The following ARHGDIG variants were observed in gnomAD, a reference collection of about 807,000 sequenced individuals.
The protein encoded by ARHGDIG is Rho GDP dissociation inhibitor gamma, also known as rho GDP-dissociation inhibitor 3.
A neutral mutation model predicts 20.2 loss-of-function variants in ARHGDIG; 14 were observed. That is an observed-to-expected ratio of 0.69 (90% CI 0.46 to 1.08). The LOEUF is 1.08. Ranked by LOEUF, ARHGDIG falls within the 50% of genes least tolerant of loss-of-function variation. The pLI is 0.00. For synonymous variants in ARHGDIG, 193 were observed against 138.6 expected (o/e 1.39, Z -2.76); for missense variants, 311 against 301.8 (o/e 1.03, Z -0.23).
chr16:280,817 T>TC lies in ARHGDIG; in HGVS notation c.73+69dup. 5.3e-6 allele frequency: 6 copies of TC among 1,130,096 alleles called. No individual in the cohort carries two copies. Among genetic ancestry groups the TC allele is most frequent in the African/African-American group, 3.3e-5 (2 of 60,028 alleles). 70.0% of individuals were successfully genotyped at this position (1,130,096 alleles called of 1,614,324 possible). A position where few individuals can be genotyped will look rare whatever the true frequency, so the allele number is the denominator to read the frequency against. ...TCAGCCCCGGGCGGGGAGTAGCCCCTCCCCCGCGGCAACTTTGGGGGCGCG... is the reference window on the plus strand; with the variant it reads ...TCAGCCCCGGGCGGGGAGTAGCCCCTCCCCCCGCGGCAACTTTGGGGGCGCG... On this transcript the variant is annotated intron_variant, in intron 1 of 5. Coordinates refer to ENST00000219409, the MANE Select transcript of ARHGDIG (RefSeq NM_001176.4). This position sits in a 1 kb window ranked among gnomAD's most constrained non-coding sequence, Gnocchi z 6.6.
chr16:282,558 C>CGGGGGGGGGGGGACGGGGG (rs61572786), intron 5 of ARHGDIG, 28 bp downstream of exon 5: 5 of 1,313,264 alleles, frequency 3.8e-6, no homozygotes, highest in Middle Eastern at 2.7e-4. Flanking sequence ...GGGAACGGGG[C>CGGGGGGGGGGGGACGGGGG]GGGGGGGGGA....
chr16:280,929 AC>A lies in ARHGDIG; in HGVS notation c.73+178del. 1 of 291,246 alleles carries A rather than the reference AC, an allele frequency of 3.4e-6. No individual in the cohort carries two copies. Among genetic ancestry groups the A allele is most frequent in the Non-Finnish European group, 6.2e-6 (1 of 160,020 alleles). The allele number at this position is 291,246 out of a possible 1,614,324, so 18.0% of individuals were successfully genotyped here. A position where few individuals can be genotyped will look rare whatever the true frequency, so the allele number is the denominator to read the frequency against. On this transcript the variant is annotated intron_variant, in intron 1 of 5. Transcript: ENST00000219409. This position sits in a 1 kb window ranked among gnomAD's most constrained non-coding sequence, Gnocchi z 6.6. The stretch of plus-strand genomic sequence containing the variant: ...CAGGCTCCAGCCCTGTGGGGAAGGG[AC>A]CAGGTGCGGACGGGTCGGCTTGGGA...
intron 1 of ARHGDIG, 190 bp from the exon 2 acceptor site, chr16:281,556 G>T (rs1424149020): frequency 1.6e-6 from 1 of 618,820 alleles, no homozygotes; most frequent in Non-Finnish European, 2.7e-6. Context: ...CCTCCTGAAG[G>T]TCTGGGTGCG....
In ARHGDIG at chr16:282,855, A is replaced by C. The variant is rs2052302538; in HGVS notation, c.*41A>C. ...CTCCCCTACCTCCCTCAGTTGTTGC[A>C]CAGGGACCCCCAAGCATCCCCAGCA... On this transcript the variant is annotated 3_prime_UTR_variant, in exon 6 of 6. Coordinates refer to ENST00000219409, the MANE Select transcript of ARHGDIG (RefSeq NM_001176.4). 6.5e-7 allele frequency: 1 copy of C among 1,530,084 alleles called. No individual in the cohort carries two copies. The highest frequency in any genetic ancestry group is 8.8e-7 in the Non-Finnish European group (1 of 1,142,350). The allele number at this position is 1,530,084 out of a possible 1,614,324, so 94.8% of individuals were successfully genotyped here. A position where few individuals can be genotyped will look rare whatever the true frequency, so the allele number is the denominator to read the frequency against.
rs2052273096 is a variant in ARHGDIG, at chr16:280,636, C to CGG, written c.-44_-43dup. ...CCGAGCGGGGCGGCGGCGGGGCGGG[C>CGG]GGCGGCTCCTCGGCGGCTCCGCGGC... On this transcript the variant is annotated 5_prime_UTR_variant, in exon 1 of 6. Transcript: ENST00000219409. This position sits in a 1 kb window ranked among gnomAD's most constrained non-coding sequence, Gnocchi z 6.6. 1.2e-6 allele frequency: 1 copy of CGG among 868,106 alleles called. No individual in the cohort carries two copies. Among genetic ancestry groups the CGG allele is most frequent in the African/African-American group, 2.2e-5 (1 of 45,928 alleles). 53.8% of individuals were successfully genotyped at this position (868,106 alleles called of 1,614,324 possible). A position where few individuals can be genotyped will look rare whatever the true frequency, so the allele number is the denominator to read the frequency against.
In ARHGDIG at chr16:282,713, C is replaced by A; in HGVS notation, c.577C>A (p.Arg193=). The change falls in exon 6 of 6, where the codon CGG becomes AGG. Residue 193 remains arginine (R), a synonymous_variant. Coordinates refer to ENST00000219409, the MANE Select transcript of ARHGDIG (RefSeq NM_001176.4). ...VEEAPRGALV[R]GPYLVVSLFT... is the part of the protein sequence containing the mutation. ...GGAAGCGCCGAGGGGTGCGCTGGTG[C>A]GGGGCCCCTATCTGGTGGTGTCCCT... is the stretch of plus-strand genomic sequence containing the variant. The A allele has an allele frequency of 1.2e-6, 2 of 1,603,384 alleles. No individual in the cohort carries two copies. The highest frequency in any genetic ancestry group is 1.1e-5 in the South Asian group (1 of 89,346).
chr16:281,292 C>G (rs973894146), intron 1 of ARHGDIG: 1 of 156,204 alleles, frequency 6.4e-6, no homozygotes, highest in Admixed American at 6.0e-5. Context: ...GTGGAGGGCC[C>G]TAGAGGGTCA....
At chr16:281,701 C>A in intron 1 of ARHGDIG, 45 bp from the exon 2 acceptor site, 1 of 1,512,180 alleles carries the variant, frequency 6.6e-7, no homozygotes, top group South Asian at 1.2e-5. Flanking sequence ...GCTCGAATGC[C>A]AGGGTCCGCT....
chr16:282,558 C>CGGGGGGGGGGGGGGAAGGGGG, intron 5 of ARHGDIG, 28 bp downstream of exon 5: 2 of 1,310,078 alleles, frequency 1.5e-6, no homozygotes, highest in Non-Finnish European at 1.0e-6. Flanking sequence ...GGGAACGGGG[C>CGGGGGGGGGGGGGGAAGGGGG]GGGGGGGGGA....
rs751866015 is a variant in ARHGDIG, at chr16:281,938, T to C, written c.253+13T>C. ...CCACCGGCCGTGGGTATGGCAGGGG[T>C]CTAGGCTTGGAGGGCTGGGTCTGGG... On this transcript the variant is annotated intron_variant, in intron 2 of 5. Transcript: ENST00000219409. 6.3e-7 allele frequency: 1 copy of C among 1,597,094 alleles called. No individual in the cohort carries two copies. Among genetic ancestry groups the C allele is most frequent in the Admixed American group, 1.7e-5 (1 of 59,530 alleles).
chr16:281,776 C>T lies in ARHGDIG; in HGVS notation c.104C>T (p.Pro35Leu), dbSNP rs556875250. Residue 35 changes from proline to leucine, a missense_variant, in exon 2 of 6, where the codon CCG becomes CTG. By Grantham distance (98) the Pro-to-Leu change is moderately conservative. Transcript: ENST00000219409. Reference protein sequence around the residue: ...VLLADKEGGPPAVDEVLDEAV... With the variant: ...VLLADKEGGPLAVDEVLDEAV... The stretch of plus-strand genomic sequence containing the variant: ...CTGGCTGACAAGGAGGGTGGGCCGC[C>T]GGCAGTGGACGAGGTGTTGGATGAG... The T allele has an allele frequency of 5.0e-6, 8 of 1,605,780 alleles. No homozygotes were observed. Among genetic ancestry groups the T allele is most frequent in the African/African-American group, 1.3e-5 (1 of 74,786 alleles).
chr16:282,198 A>G, intron 3 of ARHGDIG, 90 bp downstream of exon 3: 2 of 1,604,568 alleles, frequency 1.2e-6, no homozygotes, highest in Non-Finnish European at 1.7e-6. Context: ...GGGCCATCAC[A>G]GTCGCACACC....
At position 282,550 on chromosome 16, in the gene ARHGDIG, GAAC is replaced by G; in HGVS notation, c.478+21_478+23del. 1 of 1,390,548 alleles carries G rather than the reference GAAC, an allele frequency of 7.2e-7. No homozygotes were observed. Among genetic ancestry groups the G allele is most frequent in the Non-Finnish European group, 9.7e-7 (1 of 1,034,758 alleles). The allele number at this position is 1,390,548 out of a possible 1,614,324, so 86.1% of individuals were successfully genotyped here. On this transcript the variant is annotated intron_variant, in intron 5 of 5. Transcript: ENST00000219409. ...TGCGCGGTGAGGGCAGCGGTGGGGG[GAAC>G]GGGGCGGGGGGGGGAAGCGGGGGCA...
intron 4 of ARHGDIG, 22 bp from the exon 5 acceptor site, chr16:282,445 C>T (rs900648285): frequency 4.3e-6 from 7 of 1,612,138 alleles, no homozygotes; most frequent in Non-Finnish European, 5.9e-6. Context: ...CCCAGAGGAA[C>T]CCCTAATGCC....
chr16:281,612 C>T (rs1372269565), intron 1 of ARHGDIG, 134 bp from the exon 2 acceptor site: 7 of 1,099,094 alleles, frequency 6.4e-6, no homozygotes, highest in Admixed American at 2.8e-5. Flanking sequence ...CTCGCTCTCT[C>T]CCTGAGCCCC....
rs775840106 is a variant in ARHGDIG, at chr16:282,089, C to T, written c.318C>T (p.Pro106=). ...TCCTGTCGGAACAGGCTCCGGGGCC[C>T]GTCGTCATGGATCTCACAGGTAACT... The part of the protein sequence containing the change: ...LTLLSEQAPG[P]VVMDLTGDLA... Residue 106 remains proline (P), a synonymous_variant, in exon 3 of 6, where the codon CCC becomes CCT. Coordinates refer to ENST00000219409, the MANE Select transcript of ARHGDIG (RefSeq NM_001176.4). 1.2e-5 allele frequency: 19 copies of T among 1,612,806 alleles called. No individual in the cohort carries two copies. Among genetic ancestry groups the T allele is most frequent in the Admixed American group, 1.0e-4 (6 of 59,994 alleles).
chr16:282,706 G>A lies in ARHGDIG; in HGVS notation c.570G>A (p.Ala190=), dbSNP rs368367792. 14 of 1,603,002 alleles carry A rather than the reference G, an allele frequency of 8.7e-6. No homozygotes were observed. Among genetic ancestry groups the A allele is most frequent in the Admixed American group, 5.1e-5 (3 of 59,122 alleles). ...CGGTGGAGGAAGCGCCGAGGGGTGC[G>A]CTGGTGCGGGGCCCCTATCTGGTGG... is the stretch of plus-strand genomic sequence containing the variant. The part of the protein sequence containing the change: ...VTPVEEAPRG[A]LVRGPYLVVS... The change falls in exon 6 of 6, where the codon GCG becomes GCA. Residue 190 remains alanine (A), a synonymous_variant. Transcript: ENST00000219409.
At chr16:281,989 T>TG (rs1158182716) in intron 2 of ARHGDIG, 36 bp from the exon 3 acceptor site, 5 of 559,338 alleles carry the variant, frequency 8.9e-6, no homozygotes, top group Non-Finnish European at 1.4e-5. Context: ...CTGGTGGGGG[T>TG]GGGGGGCATC....
rs1379835611 is a variant in ARHGDIG at position 280,732 on chromosome 16, C to T, written c.52C>T (p.Arg18Trp). 3.1e-6 allele frequency: 4 copies of T among 1,294,006 alleles called. No homozygotes were observed. The highest frequency in any genetic ancestry group is 3.4e-5 in the East Asian group (1 of 29,546). 80.2% of individuals were successfully genotyped at this position (1,294,006 alleles called of 1,614,324 possible). ...ELGAQLLELL[R>W]LALCARVLLA... ...GGGGGCGCAGCTGCTGGAGCTGCTC[C>T]GGCTGGCGCTGTGCGCCCGAGGTGA... The change falls in exon 1 of 6, where the codon CGG (arginine) becomes TGG (tryptophan). Residue 18 changes from arginine to tryptophan, a missense_variant. Transcript: ENST00000219409. The surrounding 1 kb of genome is among the most constrained non-coding windows in gnomAD (Gnocchi z 6.6).
Sources: gnomAD v4.1 joint callset for allele counts on GRCh38, gnomAD v4.1.1 for gene constraint, Gnocchi (gnomAD v3.1) non-coding constraint, MANE v1.5 for transcripts, NCBI Gene and HGNC (gene_info 2026-07-23, HGNC 2026-07-21) for gene names.